Variants in ATP2B2 observed in about 807,000 individuals in gnomAD.
The protein encoded by ATP2B2 is ATPase plasma membrane Ca2+ transporting 2, also known as plasma membrane calcium-transporting ATPase 2.
ATP2B2 carries 15 observed loss-of-function variants against 120.0 expected under a neutral mutation model. The ratio of observed to expected loss-of-function variants is 0.12; its 90% CI spans 0.08 to 0.19. The LOEUF is 0.19. Among genes scored for constraint, ATP2B2 ranks in the 10% least tolerant of loss-of-function variants. The probability of loss-of-function intolerance (pLI) is 1.00; values close to 1 mark genes in which losing one functional copy is unlikely to be tolerated. For synonymous variants in ATP2B2, 694 were observed against 700.3 expected (o/e 0.99, Z 0.14); for missense variants, 1,045 against 1,719.8 (o/e 0.61, Z 6.94).
intron 1 of ATP2B2, among the ~76,000 whole-genome samples, chr3:10,638,148 T>A (rs1337860320): frequency 6.6e-6 from 1 of 152,138 alleles, no homozygotes; most frequent in Admixed American, 6.5e-5. Context: ...AAGCAAGTCT[T>A]TCAGACAAAA....
chr3:10,597,394 G>GGC (rs938840112), intron 2 of ATP2B2, among the ~76,000 whole-genome samples: 49 of 151,094 alleles, frequency 3.2e-4, no homozygotes, highest in African/African-American at 1.1e-3. Flanking sequence ...CAGGCACAGA[G>GGC]GCACACACAC....
intron 1 of ATP2B2, among the ~76,000 whole-genome samples, chr3:10,639,103 G>A (rs144884860): frequency 3.3e-5 from 5 of 152,230 alleles, no homozygotes; most frequent in African/African-American, 4.8e-5. Flanking sequence ...GCAAATATTC[G>A]TTATGTACAT....
intron 2 of ATP2B2, among the ~76,000 whole-genome samples, chr3:10,594,695 A>G (rs1443190967): frequency 1.4e-5 from 2 of 138,060 alleles, no homozygotes; most frequent in Non-Finnish European, 3.1e-5. Flanking sequence ...GTGCACATGT[A>G]CCCTAGAACT....
chr3:10,641,430 G>A (rs922799024), intron 1 of ATP2B2, among the ~76,000 whole-genome samples: 2 of 152,166 alleles, frequency 1.3e-5, no homozygotes, highest in Admixed American at 6.5e-5. Context: ...GGGTGGCCCC[G>A]TATATGAGGG....
At chr3:10,586,432 T>C (rs1402297250) in intron 2 of ATP2B2, among the ~76,000 whole-genome samples, 2 of 152,204 alleles carry the variant, frequency 1.3e-5, no homozygotes, top group Non-Finnish European at 2.9e-5. Flanking sequence ...ATGAGCAAAC[T>C]GAGGCTCAGA....
intron 12 of ATP2B2, among the ~76,000 whole-genome samples, chr3:10,363,360 G>T (rs185220674): frequency 6.6e-6 from 1 of 152,322 alleles, no homozygotes; most frequent in East Asian, 1.9e-4. Context: ...CATTGGTATT[G>T]TTCCTGTTTT....
rs779328629 is a variant in ATP2B2 at position 10,379,557 on chromosome 3, G to A, written c.1001-273C>T. Among the ~76,000 whole-genome samples the A allele has an allele frequency of 3.9e-5, 6 of 152,272 alleles. No homozygotes were observed. The South Asian group carries it at 6.2e-4, about 16-fold the overall frequency. The stretch of plus-strand genomic sequence containing the variant: ...TGCTGGAATACTTTTGGCCTTGAGC[G>A]TGTTACAGATCAAAGGGAAGTATCA... On this transcript the variant is annotated intron_variant, in intron 8 of 22. Coordinates refer to ENST00000360273, the MANE Select transcript of ATP2B2 (RefSeq NM_001001331.4).
chr3:10,588,504 G>A (rs1226213314), intron 2 of ATP2B2, among the ~76,000 whole-genome samples: 2 of 152,176 alleles, frequency 1.3e-5, no homozygotes, highest in African/African-American at 2.4e-5. Flanking sequence ...CGGGCACTGA[G>A]GCCATACACC....
intron 2 of ATP2B2, among the ~76,000 whole-genome samples, chr3:10,576,855 G>C (rs988068053): frequency 2.6e-5 from 4 of 151,964 alleles, no homozygotes; most frequent in African/African-American, 7.3e-5. Context: ...ACAAGGTCAG[G>C]AATTCGAGAC....
At chr3:10,421,597 T>G (rs1404872342) in intron 2 of ATP2B2, among the ~76,000 whole-genome samples, 1 of 152,176 alleles carries the variant, frequency 6.6e-6, no homozygotes, top group Non-Finnish European at 1.5e-5. Flanking sequence ...GAGCTGGTCT[T>G]CAAGTTCGGC....
intron 3 of ATP2B2, among the ~76,000 whole-genome samples, chr3:10,406,470 C>A (rs1013011092): frequency 2.0e-5 from 3 of 152,224 alleles, no homozygotes; most frequent in Non-Finnish European, 4.4e-5. Flanking sequence ...TGCATTTCTA[C>A]TGTACCTTCT....
In ATP2B2 at chr3:10,345,378, A is replaced by T; in HGVS notation, c.2703+6T>A. Reference sequence around the variant, plus strand: ...CAGGCTTTGGTGTGGTCTCCTGCGGACCCACCTGCGTGATGCAGGCGCCTG... The same window carrying T: ...CAGGCTTTGGTGTGGTCTCCTGCGGTCCCACCTGCGTGATGCAGGCGCCTG... On this transcript the variant is annotated splice_donor_region_variant and intron_variant, in intron 18 of 22. Transcript: ENST00000360273. 1.9e-6 allele frequency: 3 copies of T among 1,614,026 alleles called. No individual in the cohort carries two copies. The highest frequency in any genetic ancestry group is 2.2e-5 in the South Asian group (2 of 91,072).
intron 2 of ATP2B2, among the ~76,000 whole-genome samples, chr3:10,413,277 C>T (rs945942978): frequency 2.6e-5 from 4 of 152,210 alleles, no homozygotes; most frequent in Non-Finnish European, 4.4e-5. Flanking sequence ...TGCGGAGTCT[C>T]CTCAGATGCT....
At chr3:10,422,369 G>T (rs1176833311) in intron 2 of ATP2B2, among the ~76,000 whole-genome samples, 1 of 152,222 alleles carries the variant, frequency 6.6e-6, no homozygotes, top group Non-Finnish European at 1.5e-5. Flanking sequence ...GAACCAGTCT[G>T]ATGGTCTGCT....
At chr3:10,500,872 G>A (rs1010291208) in intron 1 of ATP2B2, among the ~76,000 whole-genome samples, 7 of 152,214 alleles carry the variant, frequency 4.6e-5, no homozygotes, top group South Asian at 4.1e-4. Context: ...GACTTGCAGT[G>A]TTTCTGACCC....
intron 12 of ATP2B2, among the ~76,000 whole-genome samples, chr3:10,360,818 A>G (rs940710397): frequency 3.9e-5 from 6 of 152,188 alleles, no homozygotes; most frequent in African/African-American, 1.4e-4. Context: ...CAATGGCACC[A>G]CATGTGAGTT....
At chr3:10,688,793 G>A (rs914603336) in intron 1 of ATP2B2, among the ~76,000 whole-genome samples, 1 of 152,244 alleles carries the variant, frequency 6.6e-6, no homozygotes, top group Non-Finnish European at 1.5e-5. Flanking sequence ...GGACCAGTGG[G>A]ATGGAATTCC....
chr3:10,432,194 A>C (rs1010565082), intron 2 of ATP2B2, among the ~76,000 whole-genome samples: 1 of 152,246 alleles, frequency 6.6e-6, no homozygotes, highest in Non-Finnish European at 1.5e-5. Flanking sequence ...ACTGTGCCTC[A>C]GTTTCCTCAT....
chr3:10,439,435 T>A (rs553641417), intron 2 of ATP2B2, among the ~76,000 whole-genome samples: 1 of 152,176 alleles, frequency 6.6e-6, no homozygotes, highest in African/African-American at 2.4e-5. Context: ...GTCACATGCA[T>A]CCCCTTGGGG....
Sources: allele counts gnomAD v4.1 joint callset (sites outside exome capture counted in the v4.1 genomes callset), GRCh38; gene constraint gnomAD v4.1.1; transcripts MANE v1.5; gene names NCBI Gene and HGNC (gene_info 2026-07-23, HGNC 2026-07-21).